MGAM: variants seen among roughly 807,000 people sequenced by gnomAD.
MGAM encodes alpha-1,4-glucosidase.
In MGAM, 253 loss-of-function variants were observed where a neutral mutation model predicts 358.8. That is an observed-to-expected ratio of 0.71 (90% CI 0.64 to 0.78). The LOEUF (loss-of-function observed/expected upper bound fraction) is 0.78, where lower values mean the gene tolerates loss of function less well. Among genes scored for constraint, MGAM ranks in the 30% least tolerant of loss-of-function variants. MGAM has a pLI of 0.00. For missense variants in MGAM, 3,080 were observed against 3,432.6 expected (o/e 0.90, Z 2.57); for synonymous variants, 1,105 against 1,227.1 (o/e 0.90, Z 2.08).
rs184159586 is a variant in MGAM at position 142,053,711 on chromosome 7, T to A, written c.3159+727T>A. ...AGCCTGGCCGATAGTGCTGTAATGT[T>A]ATTGACAGAGTAAGTGAAAGTGGTC... On this transcript the variant is annotated intron_variant, in intron 26 of 70. Transcript: ENST00000475668. Among the ~76,000 whole-genome samples, 8 of 152,290 alleles carry A rather than the reference T, an allele frequency of 5.3e-5. No individual in the cohort carries two copies. The South Asian group carries it at 1.5e-3, about 28-fold the overall frequency.
rs553904622 is a variant in MGAM, at chr7:142,049,367, C to A, written c.2588-868C>A. On this transcript the variant is annotated intron_variant, in intron 22 of 70. Coordinates refer to ENST00000475668, the MANE Select transcript of MGAM (RefSeq NM_001365693.1). ...AAAGCTCCTAGAAGAACACAGGAAA[C>A]AACCTCCTTGACATTAGTCTTGGCA... Among the ~76,000 whole-genome samples, 5 of 152,256 alleles carry A rather than the reference C, an allele frequency of 3.3e-5. No homozygotes were observed. In the South Asian group the frequency reaches 1.0e-3, roughly 32 times the overall value.
rs1811062698 is a variant in MGAM at position 142,052,298 on chromosome 7, C to G, written c.2810C>G (p.Ala937Gly). 5 of 1,602,384 alleles carry G rather than the reference C, an allele frequency of 3.1e-6. No individual in the cohort carries two copies. The highest frequency in any genetic ancestry group is 4.3e-6 in the Non-Finnish European group (5 of 1,173,750). Residue 937 changes from alanine to glycine, a missense_variant, in exon 25 of 71, where the codon GCC (alanine) becomes GGC (glycine). Physicochemically the swap from Ala to Gly is moderately conservative, Grantham distance 60 (BLOSUM62 0). Around this residue, in one of 5 missense-constraint regions of MGAM, gnomAD observed 1,816 missense variants for 1,840.5 expected, o/e 0.99. Transcript: ENST00000475668. ...ATGATTTCCACATTCCTACAGGTTGCCATTATCACAGATATTGATCTTCTC... is the reference window on the plus strand; with the variant it reads ...ATGATTTCCACATTCCTACAGGTTGGCATTATCACAGATATTGATCTTCTC... ...TVTYDSNLKV[A>G]IITDIDLLLG...
At chr7:142,013,521 C>T (rs1204846602) in intron 3 of MGAM, among the ~76,000 whole-genome samples, 4 of 152,000 alleles carry the variant, frequency 2.6e-5, no homozygotes, top group East Asian at 1.9e-4. Flanking sequence ...CATTTCAAGG[C>T]GCCTGTAATC....
chr7:142,103,349 G>T lies in MGAM; in HGVS notation c.8094G>T (p.Trp2698Cys), dbSNP rs760283646. The T allele has an allele frequency of 2.7e-5, 43 of 1,612,992 alleles. No homozygotes were observed. The highest frequency in any genetic ancestry group is 3.6e-5 in the Non-Finnish European group (42 of 1,179,494). ...TGAAACTGGGCTACATTGAAATCTG[G>T]GGAGTGGGCAGTGTCCCCGTTACCA... The part of the protein sequence containing the change: ...NPLKLGYIEI[W>C]GVGSVPVTSV... Residue 2698 changes from tryptophan to cysteine, a missense_variant, in exon 70 of 71, where the codon TGG becomes TGT. Trp to Cys is a radical substitution (Grantham distance 215). This residue lies in a region of MGAM where 194 missense variants were observed against 172.8 expected (regional missense o/e 1.12). Transcript: ENST00000475668.
intron 21 of MGAM, among the ~76,000 whole-genome samples, chr7:142,043,519 C>G (rs1220952575): frequency 1.0e-5 from 1 of 96,480 alleles, no homozygotes; most frequent in African/African-American, 4.3e-5. Flanking sequence ...CATATAATAT[C>G]TAAATATAAT....
intron 57 of MGAM, among the ~76,000 whole-genome samples, chr7:142,088,988 GTATGTATGTATC>G (rs1402039138): frequency 4.4e-5 from 4 of 90,944 alleles, no homozygotes; most frequent in African/African-American, 1.5e-4. Context: ...ATGTATGTAT[GTATGTATGTATC>G]TATCTATCTA....
intron 31 of MGAM, 27 bp from the exon 32 acceptor site, chr7:142,059,445 C>G: frequency 1.9e-6 from 3 of 1,600,240 alleles, no homozygotes; most frequent in South Asian, 1.1e-5. Context: ...CAGCAGCAGC[C>G]TCTCAGCTCC....
At chr7:141,994,439 A>C (rs1397989996), upstream of MGAM, among the ~76,000 whole-genome samples, 1 of 152,206 alleles carries the variant, frequency 6.6e-6, no homozygotes, top group Non-Finnish European at 1.5e-5. Flanking sequence ...GAATGAAATC[A>C]CAGGAGCACC....
At position 142,034,251 on chromosome 7, in the gene MGAM, T is replaced by C; in HGVS notation, c.1670-11T>C. ...TTAGGCTCTCACTGATTGATCCTGC[T>C]TTTGTTTCAGGAATCCTGGATGGGT... On this transcript the variant is annotated splice_polypyrimidine_tract_variant and intron_variant, in intron 14 of 70. Coordinates refer to ENST00000475668, the MANE Select transcript of MGAM (RefSeq NM_001365693.1). 6.4e-7 allele frequency: 1 copy of C among 1,560,032 alleles called. No homozygotes were observed. Among genetic ancestry groups the C allele is most frequent in the East Asian group, 2.3e-5 (1 of 43,016 alleles).
chr7:142,089,366 C>T lies in MGAM; in HGVS notation c.6811-2547C>T, dbSNP rs757066882. On this transcript the variant is annotated intron_variant, in intron 57 of 70. Coordinates refer to ENST00000475668, the MANE Select transcript of MGAM (RefSeq NM_001365693.1). ...GGAATTCTCCACAAAATATCTCTCA[C>T]CTCAAACGCCAGTTATACCCCTGAT... Among the ~76,000 whole-genome samples, 4 of 146,742 alleles carry T rather than the reference C, an allele frequency of 2.7e-5. 1 individual carries two copies. Among genetic ancestry groups the T allele is most frequent in the Non-Finnish European group, 4.6e-5 (3 of 64,776 alleles).
rs750282712 is a variant in MGAM at position 142,080,855 on chromosome 7, C to G, written c.5912C>G (p.Ser1971Cys). Residue 1971 changes from serine (S) to cysteine (C), a missense_variant, in exon 50 of 71, where the codon TCC becomes TGC. Ser to Cys is a moderately radical substitution (Grantham distance 112). This residue lies in a region of MGAM where 932 missense variants were observed against 1,198.2 expected (regional missense o/e 0.78). Coordinates refer to ENST00000475668, the MANE Select transcript of MGAM (RefSeq NM_001365693.1). ...PVPLNIPSVP[S>C]STPEGQLYDV... ...CCTCTGAACATACCCAGCGTGCCATCCAGCACCCCTGAGGGTCAACTCTAT... is the reference window on the plus strand; with the variant it reads ...CCTCTGAACATACCCAGCGTGCCATGCAGCACCCCTGAGGGTCAACTCTAT... 6.4e-7 allele frequency: 1 copy of G among 1,556,500 alleles called. No individual in the cohort carries two copies.
chr7:142,064,420 C>A lies in MGAM; in HGVS notation c.4382C>A (p.Thr1461Asn). ...AGGGACAGGGGCCTGAGCAGCAAGA[C>A]CCTTTGTATGGAGAGTCAGCAGATC... The part of the protein sequence containing the change: ...ESRDRGLSSK[T>N]LCMESQQILP... The change falls in exon 37 of 71, where the codon ACC becomes AAC. Residue 1461 changes from threonine to asparagine, a missense_variant. Thr to Asn is a moderately conservative substitution (Grantham distance 65). Around this residue, in one of 5 missense-constraint regions of MGAM, gnomAD observed 1,816 missense variants for 1,840.5 expected, o/e 0.99. Coordinates refer to ENST00000475668, the MANE Select transcript of MGAM (RefSeq NM_001365693.1). The A allele has an allele frequency of 6.2e-7, 1 of 1,608,294 alleles. No individual in the cohort carries two copies. Among genetic ancestry groups the A allele is most frequent in the Non-Finnish European group, 8.5e-7 (1 of 1,177,486 alleles).
intron 36 of MGAM, among the ~76,000 whole-genome samples, chr7:142,064,040 T>C (rs1812483347): frequency 6.6e-6 from 1 of 152,212 alleles, no homozygotes; most frequent in African/African-American, 2.4e-5. Flanking sequence ...TATTTCCAAA[T>C]CTCAGTTTGC....
At position 142,014,398 on chromosome 7, in the gene MGAM, G is replaced by C. The variant is rs115433657; in HGVS notation, c.328-4801G>C. Among the ~76,000 whole-genome samples, 1,307 of 152,154 alleles carry C rather than the reference G, an allele frequency of 8.6e-3. 22 individuals are homozygous for C. The highest frequency in any genetic ancestry group is 0.03 in the African/African-American group (1,232 of 41,528). On this transcript the variant is annotated intron_variant, in intron 3 of 70. Coordinates refer to ENST00000475668, the MANE Select transcript of MGAM (RefSeq NM_001365693.1). ...TTTGGGACTTGATAAAAGATAGGGA[G>C]TTGAGAAAATAGGCAGTTCTATATT...
At chr7:142,082,354 A>T (rs10258491) in intron 51 of MGAM, 121 bp from the exon 52 acceptor site, 100,084 of 1,277,470 alleles carry the variant, frequency 0.078, 18,990 homozygotes, top group African/African-American at 0.5. Context: ...CCTTTGTTTC[A>T]TGTGTTTAAT....
intron 3 of MGAM, among the ~76,000 whole-genome samples, chr7:142,014,906 T>G (rs1467594902): frequency 6.6e-6 from 1 of 152,068 alleles, no homozygotes; most frequent in African/African-American, 2.4e-5. Flanking sequence ...TATATTGAAG[T>G]TACATCAGTC....
Position 142,056,831 on chromosome 7 carries a change from T to C in MGAM, c.3582T>C (p.Asp1194=), listed in dbSNP as rs1476848801. The C allele has an allele frequency of 6.2e-7, 1 of 1,613,634 alleles. No homozygotes were observed. The highest frequency in any genetic ancestry group is 2.2e-5 in the East Asian group (1 of 44,840). The stretch of plus-strand genomic sequence containing the variant: ...CTTGGCATTTTTCTTTATTTTCAGA[T>C]GTGACGTTCCAGCCCCTGCCTGCCT... The part of the protein sequence containing the change: ...GVLLLNSNAM[D]VTFQPLPALT... Residue 1194 remains aspartate (D), a splice_region_variant and synonymous_variant, in exon 30 of 71, where the codon GAT becomes GAC. Coordinates refer to ENST00000475668, the MANE Select transcript of MGAM (RefSeq NM_001365693.1).
intron 30 of MGAM, among the ~76,000 whole-genome samples, chr7:142,057,156 A>T (rs1281672520): frequency 6.6e-6 from 1 of 152,116 alleles, no homozygotes; most frequent in Non-Finnish European, 1.5e-5. Flanking sequence ...TAGTGGTACT[A>T]GTGGTGGTGC....
At chr7:142,051,616 C>T (rs536507695) in intron 24 of MGAM, among the ~76,000 whole-genome samples, 77 of 152,140 alleles carry the variant, frequency 5.1e-4, no homozygotes, top group African/African-American at 1.8e-3. Context: ...AATGAACATG[C>T]TGGGATGTTA....
Sources: allele counts gnomAD v4.1 joint callset (sites outside exome capture counted in the v4.1 genomes callset), GRCh38; gene constraint gnomAD v4.1.1; regional missense constraint gnomAD v4.1.1; transcripts MANE v1.5; gene names NCBI Gene and HGNC (gene_info 2026-07-23, HGNC 2026-07-21).